BIRC6: variants seen among roughly 807,000 people sequenced by gnomAD.
BIRC6 encodes the protein baculoviral IAP repeat containing 6, also known as dual E2 ubiquitin-conjugating enzyme/E3 ubiquitin-protein ligase BIRC6.
Under a neutral mutation model 503.3 loss-of-function variants are expected in BIRC6, and 98 were observed. The ratio of observed to expected loss-of-function variants is 0.19; its 90% CI spans 0.17 to 0.23. BIRC6 has a LOEUF of 0.23. BIRC6 is among the 10% of genes least tolerant of loss of function. The pLI is 1.00. For synonymous variants in BIRC6, 2,240 were observed against 2,078.7 expected (o/e 1.08, Z -2.11); for missense variants, 5,360 against 5,806.0 (o/e 0.92, Z 2.50).
chr2:32,490,402 G>C (rs1387092837), intron 43 of BIRC6, among the ~76,000 whole-genome samples: 4 of 152,134 alleles, frequency 2.6e-5, no homozygotes, highest in Non-Finnish European at 1.5e-5. Flanking sequence ...ACAAAAGTTA[G>C]TGGGCGCCTG....
intron 4 of BIRC6, among the ~76,000 whole-genome samples, chr2:32,390,815 T>G (rs936063149): frequency 6.6e-6 from 1 of 152,250 alleles, no homozygotes; most frequent in African/African-American, 2.4e-5. Context: ...GTAAACTGAT[T>G]TCTGCGTAAT....
chr2:32,435,599 T>C lies in BIRC6; in HGVS notation c.3499+14T>C. 1.3e-6 allele frequency: 2 copies of C among 1,549,050 alleles called. No individual in the cohort carries two copies. Among genetic ancestry groups the C allele is most frequent in the South Asian group, 1.2e-5 (1 of 83,320 alleles). On this transcript the variant is annotated intron_variant, in intron 14 of 73. Transcript: ENST00000421745. ...AGGAATCACAGTGTGAGTTAAATTATAGAGCTGTTGTCCATGACAGTAAAA... is the reference window on the plus strand; with the variant it reads ...AGGAATCACAGTGTGAGTTAAATTACAGAGCTGTTGTCCATGACAGTAAAA...
chr2:32,468,916 G>A, intron 29 of BIRC6, 133 bp downstream of exon 29: 1 of 664,710 alleles, frequency 1.5e-6, no homozygotes, highest in Non-Finnish European at 2.5e-6. Context: ...TTTATGAAAT[G>A]TCTCTTTAGG....
chr2:32,576,545 T>A (rs2060276407), intron 66 of BIRC6, among the ~76,000 whole-genome samples: 1 of 152,256 alleles, frequency 6.6e-6, no homozygotes. Context: ...AGTAAATTAA[T>A]GTCATTTACC....
chr2:32,400,503 T>G (rs1558624784), intron 6 of BIRC6, among the ~76,000 whole-genome samples: 1 of 151,942 alleles, frequency 6.6e-6, no homozygotes, highest in African/African-American at 2.4e-5. Flanking sequence ...CATGCCCAGC[T>G]AATTTTCGTA....
At chr2:32,600,982 A>G (rs2151523348) in intron 70 of BIRC6, among the ~76,000 whole-genome samples, 1 of 152,308 alleles carries the variant, frequency 6.6e-6, no homozygotes, top group African/African-American at 2.4e-5. Context: ...AACACAAACA[A>G]TATAGCTAAT....
chr2:32,370,629 C>G (rs1437451792), intron 1 of BIRC6, among the ~76,000 whole-genome samples: 2 of 152,070 alleles, frequency 1.3e-5, no homozygotes, highest in Non-Finnish European at 2.9e-5. Context: ...TAAATGATTT[C>G]ATTTTTGGTT....
rs2063374710 is a variant in BIRC6 at position 32,618,593 on chromosome 2, A to T, written c.*689A>T. On this transcript the variant is annotated 3_prime_UTR_variant, in exon 74 of 74. Transcript: ENST00000421745. ...AATGAACATGATTTTATTCTATGCCAACATTTGGGCCTCTGAATGTATCTG... is the reference window on the plus strand; with the variant it reads ...AATGAACATGATTTTATTCTATGCCTACATTTGGGCCTCTGAATGTATCTG... The T allele has an allele frequency of 6.5e-6, 1 of 152,686 alleles. No individual in the cohort carries two copies. Among genetic ancestry groups the T allele is most frequent in the Non-Finnish European group, 1.5e-5 (1 of 68,048 alleles). The allele number at this position is 152,686 out of a possible 1,614,324, so 9.5% of individuals were successfully genotyped here.
At chr2:32,478,975 A>G (rs1385068004) in intron 36 of BIRC6, among the ~76,000 whole-genome samples, 157 bp downstream of exon 36, 1 of 152,234 alleles carries the variant, frequency 6.6e-6, no homozygotes, top group Non-Finnish European at 1.5e-5. Context: ...AGTAGCAACC[A>G]TTGAAAATTA....
intron 29 of BIRC6, 148 bp from the exon 30 acceptor site, chr2:32,469,245 TAC>T: frequency 1.6e-6 from 1 of 641,412 alleles, no homozygotes; most frequent in Non-Finnish European, 2.6e-6. Flanking sequence ...AACAGATTTC[TAC>T]ATACAAGGAG....
intron 9 of BIRC6, among the ~76,000 whole-genome samples, chr2:32,413,761 C>T (rs2042141752): frequency 1.3e-5 from 2 of 151,592 alleles, no homozygotes; most frequent in Non-Finnish European, 2.9e-5. Flanking sequence ...CCAGGACCCT[C>T]TCTAGATACC....
intron 20 of BIRC6, among the ~76,000 whole-genome samples, chr2:32,444,031 G>GTTTTTTTTT (rs776568064): frequency 7.3e-6 from 1 of 136,884 alleles, no homozygotes; most frequent in Non-Finnish European, 1.6e-5. Context: ...GGGACCAGTG[G>GTTTTTTTTT]TTTTTTTTTT....
chr2:32,543,480 G>C lies in BIRC6; in HGVS notation c.12531G>C (p.Glu4177Asp). The change falls in exon 62 of 74, where the codon GAG becomes GAC. Residue 4177 changes from glutamate (E) to aspartate (D), a missense_variant. Glu to Asp is a conservative substitution (Grantham distance 45, BLOSUM62 2). Coordinates refer to ENST00000421745, the MANE Select transcript of BIRC6 (RefSeq NM_016252.4). ...GCTATGCGGAAGTGCTACTGAAAGA[G>C]AGAAAACATGCCCAGTGCCTTCTTC... ...LPGYAEVLLK[E>D]RKHAQCLLRL... 3.1e-6 allele frequency: 5 copies of C among 1,614,028 alleles called. No homozygotes were observed. In the South Asian group the frequency reaches 4.4e-5, roughly 14 times the overall value.
At position 32,488,711 on chromosome 2, in the gene BIRC6, C is replaced by A; in HGVS notation, c.8092C>A (p.Gln2698Lys). The A allele has an allele frequency of 7.2e-7, 1 of 1,397,126 alleles. No individual in the cohort carries two copies. Among genetic ancestry groups the A allele is most frequent in the Non-Finnish European group, 9.7e-7 (1 of 1,030,750 alleles). 86.5% of individuals were successfully genotyped at this position (1,397,126 alleles called of 1,614,324 possible). A position where few individuals can be genotyped will look rare whatever the true frequency, so the allele number is the denominator to read the frequency against. The change falls in exon 42 of 74, where the codon CAA (glutamine) becomes AAA (lysine). Residue 2698 changes from glutamine (Q) to lysine (K), a missense_variant. Coordinates refer to ENST00000421745, the MANE Select transcript of BIRC6 (RefSeq NM_016252.4). ...TAGGATACCTGTTATTTCATTAAAT[C>A]AAGGTAAGATTTATTAGGAGAAAAA... The part of the protein sequence containing the change: ...ANRIPVISLN[Q>K]ASITSFLTVL...
At chr2:32,381,357 A>G (rs890705214) in intron 3 of BIRC6, among the ~76,000 whole-genome samples, 4 of 152,068 alleles carry the variant, frequency 2.6e-5, no homozygotes, top group Non-Finnish European at 5.9e-5. Context: ...CTCCTGCCTC[A>G]GTCTCCTGAG....
intron 6 of BIRC6, among the ~76,000 whole-genome samples, chr2:32,397,630 G>GTGTA (rs1553396769): frequency 9.0e-5 from 11 of 122,636 alleles, no homozygotes; most frequent in African/African-American, 3.2e-4. Context: ...ATATATATAT[G>GTGTA]TATATATATA....
rs1239265810 is a variant in BIRC6, at chr2:32,401,059, T to G, written c.1035-104T>G. On this transcript the variant is annotated intron_variant, in intron 6 of 73. Transcript: ENST00000421745. ...TATTAAGTCTTTAATGATGAATACT[T>G]TAAGTTCAGTTAAAAAAAGATGATG... is the stretch of plus-strand genomic sequence containing the variant. The G allele has an allele frequency of 1.2e-5, 11 of 954,618 alleles. No homozygotes were observed. In the East Asian group the frequency reaches 2.7e-4, roughly 23 times the overall value. 59.1% of individuals were successfully genotyped at this position (954,618 alleles called of 1,614,324 possible).
rs753871595 is a variant in BIRC6 at position 32,464,629 on chromosome 2, A to C, written c.5062A>C (p.Ile1688Leu). 2 of 1,613,850 alleles carry C rather than the reference A, an allele frequency of 1.2e-6. No individual in the cohort carries two copies. Among genetic ancestry groups the C allele is most frequent in the African/African-American group, 2.7e-5 (2 of 74,896 alleles). ...CCCAGTGGCTGCCCCTGGATTCTTC[A>C]TTCATCCATCTGATGTTATTCCACC... ...SNPVAAPGFF[I>L]HPSDVIPPTP... is the part of the protein sequence containing the mutation. The change falls in exon 25 of 74, where the codon ATT becomes CTT. Residue 1688 changes from isoleucine (I) to leucine (L), a missense_variant. This residue lies in a region of BIRC6 where 2,299 missense variants were observed against 2,267.2 expected (regional missense o/e 1.01). Transcript: ENST00000421745.
rs1254094184 is a variant in BIRC6, at chr2:32,415,390, C to G, written c.2099C>G (p.Ser700Cys). 2 of 1,613,948 alleles carry G rather than the reference C, an allele frequency of 1.2e-6. No homozygotes were observed. Among genetic ancestry groups the G allele is most frequent in the East Asian group, 4.5e-5 (2 of 44,902 alleles). ...GCAGATGCAGCAGCCAACCTTACCTCTCCGGATTCTGAGAAGTGGAACTCT... is the reference window on the plus strand; with the variant it reads ...GCAGATGCAGCAGCCAACCTTACCTGTCCGGATTCTGAGAAGTGGAACTCT... ...QFADAAANLTSPDSEKWNSVF... is the reference protein window; with the variant it reads ...QFADAAANLTCPDSEKWNSVF... Residue 700 changes from serine to cysteine, a missense_variant, in exon 10 of 74, where the codon TCT becomes TGT. By Grantham distance (112) the Ser-to-Cys change is moderately radical. Coordinates refer to ENST00000421745, the MANE Select transcript of BIRC6 (RefSeq NM_016252.4).
Sources: gnomAD v4.1 joint callset for allele counts (sites outside exome capture counted in the v4.1 genomes callset) on GRCh38, gnomAD v4.1.1 for gene constraint, gnomAD v4.1.1 regional missense constraint, MANE v1.5 for transcripts, NCBI Gene and HGNC (gene_info 2026-07-23, HGNC 2026-07-21) for gene names.